Variants in TENM4 observed in about 807,000 individuals in gnomAD.
TENM4 encodes the protein teneurin transmembrane protein 4, also known as teneurin-4.
In TENM4, 82 loss-of-function variants were observed where a neutral mutation model predicts 243.3. That is an observed-to-expected ratio of 0.34 (90% CI 0.28 to 0.40). TENM4 has a LOEUF of 0.40. Ranked by LOEUF, TENM4 falls within the 10% of genes least tolerant of loss-of-function variation. TENM4 has a pLI of 1.00. For synonymous variants in TENM4, 1,412 were observed against 1,456.3 expected, an observed-to-expected ratio of 0.97 and a Z score of 0.69; for missense variants, 3,138 against 3,673.3, an observed-to-expected ratio of 0.85 and a Z score of 3.77.
In TENM4 at chr11:78,978,347, T is replaced by TAAGAAAAGAAAAGAAAAGAA. The variant is rs61346145; in HGVS notation, c.494-74844_494-74825dup. On this transcript the variant is annotated intron_variant, in intron 6 of 33. Coordinates refer to ENST00000278550, the MANE Select transcript of TENM4 (RefSeq NM_001098816.3). ...TACACATGTACCCCAGAACTTAAAG[T>TAAGAAAAGAAAAGAAAAGAA]AAGAAAAGAAAAGAAAAGAAAAGAA... is the stretch of plus-strand genomic sequence containing the variant. 8.0e-4 allele frequency among the ~76,000 whole-genome samples: 110 copies of TAAGAAAAGAAAAGAAAAGAA among 137,944 alleles called. 2 individuals carry two copies. The East Asian group carries it at 0.012, about 15-fold the overall frequency. 90.5% of individuals were successfully genotyped at this position (137,944 alleles called of 152,430 possible). A position where few individuals can be genotyped will look rare whatever the true frequency, so the allele number is the denominator to read the frequency against.
chr11:79,385,171 A>T (rs574166), intron 1 of TENM4, among the ~76,000 whole-genome samples: 81,646 of 151,804 alleles, frequency 0.54, 21,936 homozygotes, highest in East Asian at 0.56. Context: ...CACGTTATAA[A>T]CACCTAAAGG....
intron 2 of TENM4, among the ~76,000 whole-genome samples, chr11:79,229,655 C>G (rs1412352142): frequency 2.6e-5 from 4 of 152,196 alleles, no homozygotes; most frequent in African/African-American, 9.6e-5. Flanking sequence ...CAGCATTGGA[C>G]ATTGTATGTT....
intron 3 of TENM4, among the ~76,000 whole-genome samples, chr11:79,175,243 TA>T (rs34574992): frequency 0.05 from 7,667 of 152,278 alleles, 287 homozygotes; most frequent in South Asian, 0.14. Flanking sequence ...ATAATAATTC[TA>T]AAAAATATCC....
chr11:79,169,443 T>C (rs567857882), intron 3 of TENM4, among the ~76,000 whole-genome samples: 2 of 152,192 alleles, frequency 1.3e-5, no homozygotes, highest in South Asian at 2.1e-4. Context: ...CCAGGGCATA[T>C]TGGCAGTGGG....
intron 4 of TENM4, among the ~76,000 whole-genome samples, chr11:79,082,962 C>T (rs568972557): frequency 7.2e-4 from 110 of 152,260 alleles, no homozygotes; most frequent in African/African-American, 2.3e-3. Context: ...AATAATTAGC[C>T]GCTGTAAGTC....
chr11:78,953,381 G>A (rs139931118), intron 6 of TENM4, among the ~76,000 whole-genome samples: 2 of 152,342 alleles, frequency 1.3e-5, no homozygotes, highest in East Asian at 1.9e-4. Flanking sequence ...AGGGGTAAGA[G>A]TGTAGGAATC....
Position 78,988,863 on chromosome 11 carries a change from G to A in TENM4, c.493+75875C>T, listed in dbSNP as rs1446506821. Among the ~76,000 whole-genome samples, 3 of 152,170 alleles carry A rather than the reference G, an allele frequency of 2.0e-5. No homozygotes were observed. The East Asian group carries it at 5.8e-4, about 29-fold the overall frequency. On this transcript the variant is annotated intron_variant, in intron 6 of 33. Coordinates refer to ENST00000278550, the MANE Select transcript of TENM4 (RefSeq NM_001098816.3). ...CTAATTTGTTTTACTTTTTTGTGGA[G>A]ACAGGGTCCCACTATGTTGCCTAGG...
chr11:79,325,670 G>A (rs546030663), intron 1 of TENM4, among the ~76,000 whole-genome samples: 1 of 152,330 alleles, frequency 6.6e-6, no homozygotes, highest in South Asian at 2.1e-4. Flanking sequence ...AAGGCTCACT[G>A]TAGGAAAGTA....
intron 6 of TENM4, among the ~76,000 whole-genome samples, chr11:78,933,666 A>G (rs184942311): frequency 5.9e-5 from 9 of 152,288 alleles, no homozygotes; most frequent in Non-Finnish European, 7.4e-5. Context: ...CAGGAGGCCA[A>G]GGAGGTTCAC....
chr11:79,207,497 T>G (rs978168990), intron 3 of TENM4, among the ~76,000 whole-genome samples: 1 of 152,172 alleles, frequency 6.6e-6, no homozygotes, highest in Non-Finnish European at 1.5e-5. Flanking sequence ...GGACACACTT[T>G]GGAAGTAGAA....
chr11:79,204,701 T>C (rs663895), intron 3 of TENM4, among the ~76,000 whole-genome samples: 75,973 of 152,064 alleles, frequency 0.5, 20,513 homozygotes, highest in African/African-American at 0.66. Context: ...GCTGCAGATG[T>C]GCCTGCCCTG....
chr11:79,265,759 G>A (rs1392015939), intron 2 of TENM4, among the ~76,000 whole-genome samples: 2 of 152,050 alleles, frequency 1.3e-5, no homozygotes, highest in African/African-American at 4.8e-5. Context: ...AAAACAGCAT[G>A]AGAGATGGGG....
intron 1 of TENM4, among the ~76,000 whole-genome samples, chr11:79,439,438 C>A (rs1464558151): frequency 6.6e-6 from 1 of 152,096 alleles, no homozygotes; most frequent in African/African-American, 2.4e-5. Context: ...GTGCATAAAT[C>A]GCCTTAACAT....
intron 1 of TENM4, among the ~76,000 whole-genome samples, chr11:79,309,707 GGGCT>G (rs1466833786): frequency 3.9e-5 from 6 of 152,336 alleles, no homozygotes; most frequent in Admixed American, 6.5e-5. Context: ...TGGCTCACTG[GGGCT>G]GGAAGGGGCC....
intron 3 of TENM4, among the ~76,000 whole-genome samples, chr11:79,150,743 C>A (rs114220119): frequency 1.4e-3 from 207 of 152,252 alleles, no homozygotes; most frequent in African/African-American, 4.8e-3. Flanking sequence ...TCTTTCCCCC[C>A]AAGGACTTTC....
chr11:78,698,263 G>A (rs552242336), intron 28 of TENM4, among the ~76,000 whole-genome samples: 24 of 152,180 alleles, frequency 1.6e-4, no homozygotes, highest in African/African-American at 5.5e-4. Context: ...TTAGCCGGGC[G>A]TCGTGGCAGA....
At chr11:79,376,306 A>C (rs1170571493) in intron 1 of TENM4, among the ~76,000 whole-genome samples, 1 of 152,240 alleles carries the variant, frequency 6.6e-6, no homozygotes, top group Non-Finnish European at 1.5e-5. Context: ...CTGTCTCTTG[A>C]TGTCCTCACC....
At chr11:79,301,619 T>A (rs1473305881) in intron 1 of TENM4, among the ~76,000 whole-genome samples, 3 of 152,228 alleles carry the variant, frequency 2.0e-5, no homozygotes, top group Non-Finnish European at 4.4e-5. Flanking sequence ...ATGAATGACA[T>A]GGTTTGGATC....
chr11:78,854,339 A>G (rs915988242), intron 11 of TENM4, 25 bp from the exon 12 acceptor site: 2 of 1,477,804 alleles, frequency 1.4e-6, no homozygotes, highest in Non-Finnish European at 1.8e-6. Flanking sequence ...AAGCACAGTT[A>G]GCAGTGGGTC....
Sources: gnomAD v4.1 joint callset for allele counts (sites outside exome capture counted in the v4.1 genomes callset) on GRCh38, gnomAD v4.1.1 for gene constraint, MANE v1.5 for transcripts, NCBI Gene and HGNC (gene_info 2026-07-23, HGNC 2026-07-21) for gene names.